Variants in PHF2 observed in about 807,000 individuals in gnomAD.
PHF2 encodes PHD finger protein 2, also known as lysine-specific demethylase PHF2.
In PHF2, 27 loss-of-function variants were observed where a neutral mutation model predicts 120.5. That is an observed-to-expected ratio of 0.22 (90% CI 0.17 to 0.31). The LOEUF (loss-of-function observed/expected upper bound fraction) is 0.31. Among genes scored for constraint, PHF2 ranks in the 10% least tolerant of loss-of-function variants. PHF2 has a pLI of 1.00. For missense variants in PHF2, 1,024 were observed against 1,434.8 expected (o/e 0.71, Z 4.63); for synonymous variants, 568 against 592.5 (o/e 0.96, Z 0.60).
At chr9:93,601,387 T>G (rs1174216161) in intron 1 of PHF2, among the ~76,000 whole-genome samples, 1 of 152,198 alleles carries the variant, frequency 6.6e-6, no homozygotes, top group Non-Finnish European at 1.5e-5. Context: ...GGAAGGAATG[T>G]CAGACACTAC....
At chr9:93,641,132 T>C (rs1202174829) in intron 3 of PHF2, among the ~76,000 whole-genome samples, 1 of 152,188 alleles carries the variant, frequency 6.6e-6, no homozygotes, top group African/African-American at 2.4e-5. Context: ...TTTCTCAGCC[T>C]TTTTAATTTT....
chr9:93,585,787 C>T (rs1255960721), intron 1 of PHF2, among the ~76,000 whole-genome samples: 1 of 152,218 alleles, frequency 6.6e-6, no homozygotes, highest in Non-Finnish European at 1.5e-5. Context: ...TTACCCTTCC[C>T]CTTATAAAAC....
intron 6 of PHF2, among the ~76,000 whole-genome samples, chr9:93,653,673 G>A (rs969950615): frequency 6.6e-6 from 1 of 152,232 alleles, no homozygotes; most frequent in Non-Finnish European, 1.5e-5. Context: ...AAACATCCTG[G>A]AAGAGGGGCC....
At chr9:93,620,705 G>C (rs1319763227) in intron 1 of PHF2, among the ~76,000 whole-genome samples, 11 of 152,202 alleles carry the variant, frequency 7.2e-5, no homozygotes, top group Admixed American at 7.2e-4. Context: ...AACTGTTTTG[G>C]TGTTACCTAG....
chr9:93,580,356 C>G (rs1296760107), intron 1 of PHF2, among the ~76,000 whole-genome samples: 2 of 152,128 alleles, frequency 1.3e-5, no homozygotes, highest in African/African-American at 4.8e-5. Flanking sequence ...GGGGATGTGT[C>G]GCTCTGCACC....
At chr9:93,587,104 G>C (rs921193183) in intron 1 of PHF2, among the ~76,000 whole-genome samples, 5 of 152,230 alleles carry the variant, frequency 3.3e-5, no homozygotes, top group African/African-American at 9.6e-5. Flanking sequence ...AGAGTTCTGT[G>C]GGAGGCATGG....
chr9:93,618,746 G>A (rs371816724), intron 1 of PHF2, among the ~76,000 whole-genome samples: 1 of 150,464 alleles, frequency 6.6e-6, no homozygotes, highest in Non-Finnish European at 1.5e-5. Context: ...GTATGTGTGT[G>A]TGTATGCCTG....
intron 12 of PHF2, among the ~76,000 whole-genome samples, chr9:93,661,923 AAATG>A (rs1430809430): frequency 1.3e-5 from 2 of 149,750 alleles, no homozygotes; most frequent in Admixed American, 6.6e-5. Flanking sequence ...ATGAATGAAA[AAATG>A]GATGGATGGA....
intron 17 of PHF2, among the ~76,000 whole-genome samples, chr9:93,671,959 G>T (rs1587721827): frequency 1.0e-5 from 1 of 97,772 alleles, no homozygotes; most frequent in Non-Finnish European, 2.1e-5. Flanking sequence ...TGGGAGTAGG[G>T]TCAGGTGTAG....
rs1223175455 is a variant in PHF2 at position 93,584,532 on chromosome 9, GC to G, written c.98+7663del. The stretch of plus-strand genomic sequence containing the variant: ...TCCGTTGAATGATCTTGGCACCCTG[GC>G]CAAAAATCTTTTGACCGTATACACA... On this transcript the variant is annotated intron_variant, in intron 1 of 21. Coordinates refer to ENST00000359246, the MANE Select transcript of PHF2 (RefSeq NM_005392.4). Among the ~76,000 whole-genome samples, 6 of 152,240 alleles carry G rather than the reference GC, an allele frequency of 3.9e-5. No individual in the cohort carries two copies. The East Asian group carries it at 9.6e-4, about 24-fold the overall frequency.
intron 1 of PHF2, among the ~76,000 whole-genome samples, chr9:93,603,444 A>C (rs1456518500): frequency 3.3e-5 from 5 of 152,170 alleles, no homozygotes; most frequent in Non-Finnish European, 7.3e-5. Flanking sequence ...GTCTTCCCAA[A>C]GTAATGCTGG....
chr9:93,592,975 A>G (rs1825256600), intron 1 of PHF2, among the ~76,000 whole-genome samples: 1 of 151,958 alleles, frequency 6.6e-6, no homozygotes, highest in Non-Finnish European at 1.5e-5. Context: ...TGTACCCTCA[A>G]GAAGTCTAGG....
Position 93,665,761 on chromosome 9 carries a change from G to T in PHF2, c.2013G>T (p.Lys671Asn). ...ALQNFKEDKP[K>N]PVRDEYEYVS... ...AGAACTTCAAGGAGGACAAGCCCAA[G>T]CCCGTGCGGGATGAGTATGAGTACG... The change falls in exon 15 of 22, where the codon AAG (lysine) becomes AAT (asparagine). Residue 671 changes from lysine (K) to asparagine (N), a missense_variant. Around this residue, in one of 2 missense-constraint regions of PHF2, gnomAD observed 677 missense variants for 857.4 expected, o/e 0.79. Coordinates refer to ENST00000359246, the MANE Select transcript of PHF2 (RefSeq NM_005392.4). The T allele has an allele frequency of 6.2e-7, 1 of 1,614,156 alleles. No individual in the cohort carries two copies. Among genetic ancestry groups the T allele is most frequent in the Non-Finnish European group, 8.5e-7 (1 of 1,180,046 alleles).
Position 93,654,296 on chromosome 9 carries a change from G to A in PHF2, c.790-117G>A, listed in dbSNP as rs1275200773. On this transcript the variant is annotated intron_variant, in intron 6 of 21. Coordinates refer to ENST00000359246, the MANE Select transcript of PHF2 (RefSeq NM_005392.4). ...ATTGCAAAGCACCTGTGCCCTCAGT[G>A]TTGCAGGCGGGAGTCGTGGACCTGG... The A allele has an allele frequency of 4.6e-6, 4 of 862,802 alleles. No homozygotes were observed. The East Asian group carries it at 7.6e-5, about 16-fold the overall frequency. 53.4% of individuals were successfully genotyped at this position (862,802 alleles called of 1,614,324 possible).
At chr9:93,598,438 G>C (rs1439225595) in intron 1 of PHF2, among the ~76,000 whole-genome samples, 1 of 152,110 alleles carries the variant, frequency 6.6e-6, no homozygotes, top group Non-Finnish European at 1.5e-5. Context: ...ATGGGGCCCC[G>C]GGGGGCTGGA....
At chr9:93,642,226 T>C (rs1826182770) in intron 3 of PHF2, among the ~76,000 whole-genome samples, 1 of 152,246 alleles carries the variant, frequency 6.6e-6, no homozygotes, top group Non-Finnish European at 1.5e-5. Context: ...CCAGCATTGT[T>C]CTTTTAAAAG....
chr9:93,604,506 C>T (rs1256768669), intron 1 of PHF2, among the ~76,000 whole-genome samples: 1 of 151,384 alleles, frequency 6.6e-6, no homozygotes, highest in Non-Finnish European at 1.5e-5. Flanking sequence ...GCTCTGTCGC[C>T]CAGGCTGGAG....
At chr9:93,590,628 G>A (rs566192988) in intron 1 of PHF2, among the ~76,000 whole-genome samples, 36 of 152,210 alleles carry the variant, frequency 2.4e-4, no homozygotes, top group Admixed American at 2.4e-3. Flanking sequence ...TGTAAACATG[G>A]TACCAAGCAT....
chr9:93,669,567 G>T (rs1049445386), intron 17 of PHF2, among the ~76,000 whole-genome samples: 1 of 152,236 alleles, frequency 6.6e-6, no homozygotes, highest in Non-Finnish European at 1.5e-5. Context: ...AAAATGCAAC[G>T]CAGTCCAGTA....
Sources: allele counts gnomAD v4.1 joint callset (sites outside exome capture counted in the v4.1 genomes callset), GRCh38; gene constraint gnomAD v4.1.1; regional missense constraint gnomAD v4.1.1; transcripts MANE v1.5; gene names NCBI Gene and HGNC (gene_info 2026-07-23, HGNC 2026-07-21).